ITPKC: variants seen among roughly 807,000 people sequenced by gnomAD.
The protein encoded by ITPKC is IP3 3-kinase C.
A neutral mutation model predicts 67.1 loss-of-function variants in ITPKC; 33 were observed. The observed-to-expected ratio is 0.49, with a 90% CI of 0.37 to 0.66. The LOEUF (loss-of-function observed/expected upper bound fraction) is 0.66. Ranked by LOEUF, ITPKC falls within the 30% of genes least tolerant of loss-of-function variation. The pLI, the probability that ITPKC is intolerant of heterozygous loss-of-function variation, is 0.00. For synonymous variants in ITPKC, 341 were observed against 359.8 expected (o/e 0.95, Z 0.59); for missense variants, 820 against 892.1 (o/e 0.92, Z 1.03).
chr19:40,723,912 T>C (rs1348340651), intron 1 of ITPKC, among the ~76,000 whole-genome samples: 1 of 152,190 alleles, frequency 6.6e-6, no homozygotes, highest in Non-Finnish European at 1.5e-5. Flanking sequence ...AACAAAGGAT[T>C]ATTTTGCTTT....
chr19:40,736,287 C>CAAA (rs938945517), intron 4 of ITPKC, among the ~76,000 whole-genome samples: 1 of 139,588 alleles, frequency 7.2e-6, no homozygotes, highest in Non-Finnish European at 1.6e-5. Context: ...GAGACTCTGT[C>CAAA]AAAAAAAAAA....
intron 4 of ITPKC, among the ~76,000 whole-genome samples, chr19:40,736,294 AAAAAG>A (rs1426338857): frequency 2.0e-5 from 3 of 152,004 alleles, no homozygotes; most frequent in African/African-American, 4.8e-5. Flanking sequence ...TGTCAAAAAA[AAAAAG>A]AAAAGAGCAG....
intron 1 of ITPKC, among the ~76,000 whole-genome samples, chr19:40,718,742 G>A (rs1365235330): frequency 6.6e-6 from 1 of 152,130 alleles, no homozygotes; most frequent in African/African-American, 2.4e-5. Flanking sequence ...CTGTCTTAAA[G>A]GGTCACAAAC....
chr19:40,729,514 C>T, intron 3 of ITPKC, 99 bp downstream of exon 3: 2 of 1,070,624 alleles, frequency 1.9e-6, no homozygotes, highest in East Asian at 5.2e-5. Context: ...GCCTGTAATC[C>T]CAGCACTTTG....
At chr19:40,735,980 A>C (rs1261281388) in intron 4 of ITPKC, among the ~76,000 whole-genome samples, 1 of 152,186 alleles carries the variant, frequency 6.6e-6, no homozygotes, top group African/African-American at 2.4e-5. Context: ...GAAATGACTT[A>C]AGACTGCCCA....
At chr19:40,737,361 A>C (rs527912871) in intron 5 of ITPKC, among the ~76,000 whole-genome samples, 5 of 152,336 alleles carry the variant, frequency 3.3e-5, no homozygotes, top group African/African-American at 1.2e-4. Context: ...CCAAGAGAAC[A>C]AGTAAAAATG....
Position 40,733,307 on chromosome 19 carries a change from G to C in ITPKC, c.1617G>C (p.Gln539His). Reference protein sequence around the residue: ...QGAVTKPRYMQWRETMSSTST... With the variant: ...QGAVTKPRYMHWRETMSSTST... ...CAGTCACCAAGCCCCGCTACATGCA[G>C]TGGAGGGAAACCATGAGCTCCACCT... The change falls in exon 4 of 7, where the codon CAG becomes CAC. Residue 539 changes from glutamine to histidine, a missense_variant. Gln to His is a conservative substitution (Grantham distance 24). This residue lies in a region of ITPKC where 339 missense variants were observed against 422.0 expected (regional missense o/e 0.80). Coordinates refer to ENST00000263370, the MANE Select transcript of ITPKC (RefSeq NM_025194.3). 5 of 1,613,930 alleles carry C rather than the reference G, an allele frequency of 3.1e-6. No homozygotes were observed. The highest frequency in any genetic ancestry group is 4.2e-6 in the Non-Finnish European group (5 of 1,179,918).
In ITPKC at chr19:40,717,112, G is replaced by A. The variant is rs1408384506; in HGVS notation, c.-24G>A. The A allele has an allele frequency of 1.7e-6, 2 of 1,210,622 alleles. No individual in the cohort carries two copies. Among genetic ancestry groups the A allele is most frequent in the East Asian group, 3.2e-5 (1 of 31,170 alleles). 75.0% of individuals were successfully genotyped at this position (1,210,622 alleles called of 1,614,324 possible). ...AGGGATAGGAGGGGCCGGGTCGGCCGAAGCCCGAACCGAAGGAGCGGGCAT... is the reference window on the plus strand; with the variant it reads ...AGGGATAGGAGGGGCCGGGTCGGCCAAAGCCCGAACCGAAGGAGCGGGCAT... On this transcript the variant is annotated 5_prime_UTR_variant, in exon 1 of 7. Transcript: ENST00000263370.
At chr19:40,738,521 C>T (rs1568453301) in intron 6 of ITPKC, among the ~76,000 whole-genome samples, 1 of 151,986 alleles carries the variant, frequency 6.6e-6, no homozygotes, top group Admixed American at 6.6e-5. Context: ...CACTGCACTC[C>T]AGCCTGGGCA....
chr19:40,729,421 G>T lies in ITPKC; in HGVS notation c.1469+6G>T. The stretch of plus-strand genomic sequence containing the variant: ...GACTGCAAGATGGGCAGCAGGTGGG[G>T]CTGGGGCAGCCCTGGGGCAGGGATG... On this transcript the variant is annotated splice_donor_region_variant and intron_variant, in intron 3 of 6. Coordinates refer to ENST00000263370, the MANE Select transcript of ITPKC (RefSeq NM_025194.3). 1 of 1,610,090 alleles carries T rather than the reference G, an allele frequency of 6.2e-7. No individual in the cohort carries two copies. The highest frequency in any genetic ancestry group is 8.5e-7 in the Non-Finnish European group (1 of 1,178,368).
In ITPKC at chr19:40,729,353, G is replaced by C. The variant is rs755251942; in HGVS notation, c.1407G>C (p.Gln469His). ...MVLQDGQTFN[Q>H]MEDLLADFEG... ...TGCAGGATGGCCAGACCTTCAACCAGATGGAAGACCTCCTGGCTGACTTTG... is the reference window on the plus strand; with the variant it reads ...TGCAGGATGGCCAGACCTTCAACCACATGGAAGACCTCCTGGCTGACTTTG... The change falls in exon 3 of 7, where the codon CAG (glutamine) becomes CAC (histidine). Residue 469 changes from glutamine (Q) to histidine (H), a missense_variant. Gln to His is a conservative substitution (Grantham distance 24). Coordinates refer to ENST00000263370, the MANE Select transcript of ITPKC (RefSeq NM_025194.3). 1.2e-6 allele frequency: 2 copies of C among 1,614,144 alleles called. No individual in the cohort carries two copies. Among genetic ancestry groups the C allele is most frequent in the Non-Finnish European group, 1.7e-6 (2 of 1,180,016 alleles).
rs1440102647 is a variant in ITPKC, at chr19:40,733,268, G to T, written c.1578G>T (p.Glu526Asp). The T allele has an allele frequency of 6.2e-7, 1 of 1,614,170 alleles. No individual in the cohort carries two copies. The highest frequency in any genetic ancestry group is 8.5e-7 in the Non-Finnish European group (1 of 1,180,016). ...ACCCTGGGGCCCCTACCCCTGAGGA[G>T]CATGCCCAGGGTGCAGTCACCAAGC... Reference protein sequence around the residue: ...AVDPGAPTPEEHAQGAVTKPR... With the variant: ...AVDPGAPTPEDHAQGAVTKPR... The change falls in exon 4 of 7, where the codon GAG (glutamate) becomes GAT (aspartate). Residue 526 changes from glutamate (E) to aspartate (D), a missense_variant. Transcript: ENST00000263370.
intron 1 of ITPKC, 130 bp from the exon 2 acceptor site, chr19:40,725,210 A>G: frequency 1.5e-6 from 1 of 648,232 alleles, no homozygotes; most frequent in Non-Finnish European, 2.8e-6. Flanking sequence ...AAGCCTGGGA[A>G]CAGTGATCCC....
rs183360482 is a variant in ITPKC at position 40,725,842 on chromosome 19, A to G, written c.1255+403A>G. Among the ~76,000 whole-genome samples, 328 of 152,236 alleles carry G rather than the reference A, an allele frequency of 2.2e-3. 1 individual carries two copies. Among genetic ancestry groups the G allele is most frequent in the African/African-American group, 7.5e-3 (310 of 41,532 alleles). ...ATTGAGGCCAGGCACGGTGGCTTAC[A>G]TCTGTAATCCTAGCACTTTGGCAGG... On this transcript the variant is annotated intron_variant, in intron 2 of 6. Transcript: ENST00000263370.
chr19:40,732,808 ATAT>A (rs1385883547), intron 3 of ITPKC, among the ~76,000 whole-genome samples: 1 of 152,038 alleles, frequency 6.6e-6, no homozygotes, highest in African/African-American at 2.4e-5. Context: ...GATCATGCAA[ATAT>A]TATGTTTTCT....
rs1453934678 is a variant in ITPKC at position 40,717,130 on chromosome 19, G to T, written c.-6G>T. The T allele has an allele frequency of 4.9e-6, 6 of 1,223,526 alleles. No homozygotes were observed. The South Asian group carries it at 2.1e-4, about 42-fold the overall frequency. 75.8% of individuals were successfully genotyped at this position (1,223,526 alleles called of 1,614,324 possible). A position where few individuals can be genotyped will look rare whatever the true frequency, so the allele number is the denominator to read the frequency against. ...GTCGGCCGAAGCCCGAACCGAAGGAGCGGGCATGAGGCGCTGCCCGTGCCG... is the reference window on the plus strand; with the variant it reads ...GTCGGCCGAAGCCCGAACCGAAGGATCGGGCATGAGGCGCTGCCCGTGCCG... On this transcript the variant is annotated 5_prime_UTR_variant, in exon 1 of 7. Transcript: ENST00000263370.
rs760643980 is a variant in ITPKC, at chr19:40,717,998, C to T, written c.863C>T (p.Ala288Val). 2 of 1,614,126 alleles carry T rather than the reference C, an allele frequency of 1.2e-6. No individual in the cohort carries two copies. Among genetic ancestry groups the T allele is most frequent in the Non-Finnish European group, 1.7e-6 (2 of 1,179,968 alleles). The part of the protein sequence containing the change: ...TQPSTDGSQT[A>V]PGTDCLLGEP... ...CCTAGCACTGACGGTTCCCAGACAG[C>T]ACCTGGGACAGACTGCCTCTTGGGA... is the stretch of plus-strand genomic sequence containing the variant. Residue 288 changes from alanine to valine, a missense_variant, in exon 1 of 7, where the codon GCA becomes GTA. Ala to Val is a moderately conservative substitution (Grantham distance 64). Transcript: ENST00000263370.
chr19:40,723,931 C>T (rs1302334335), intron 1 of ITPKC, among the ~76,000 whole-genome samples: 1 of 152,206 alleles, frequency 6.6e-6, no homozygotes. Context: ...TTATACTACA[C>T]ATTGGTCACA....
intron 1 of ITPKC, among the ~76,000 whole-genome samples, chr19:40,720,163 C>G (rs933105151): frequency 6.6e-6 from 1 of 151,824 alleles, no homozygotes; most frequent in African/African-American, 2.4e-5. Flanking sequence ...GTCAGGAGTT[C>G]AAGACCAGCC....
Sources: allele counts gnomAD v4.1 joint callset (sites outside exome capture counted in the v4.1 genomes callset), GRCh38; gene constraint gnomAD v4.1.1; regional missense constraint gnomAD v4.1.1; transcripts MANE v1.5; gene names NCBI Gene and HGNC (gene_info 2026-07-23, HGNC 2026-07-21).